The following CSRNP3 variants were observed in gnomAD, a reference collection of about 807,000 sequenced individuals.
CSRNP3 encodes cysteine/serine-rich nuclear protein 3.
CSRNP3 carries 12 observed loss-of-function variants against 48.0 expected under a neutral mutation model. The ratio of observed to expected loss-of-function variants is 0.25; its 90% CI spans 0.16 to 0.41. The LOEUF is 0.41. CSRNP3 is among the 10% of genes least tolerant of loss of function. The probability of loss-of-function intolerance (pLI) is 1.00; values close to 1 mark genes in which losing one functional copy is unlikely to be tolerated. For synonymous variants in CSRNP3, 263 were observed against 269.7 expected (o/e 0.98, Z 0.24); for missense variants, 580 against 724.4 (o/e 0.80, Z 2.29).
intron 5 of CSRNP3, among the ~76,000 whole-genome samples, chr2:165,661,820 A>T (rs900894989): frequency 2.6e-5 from 4 of 152,168 alleles, no homozygotes; most frequent in Admixed American, 2.6e-4. Context: ...GCATCTGACA[A>T]GAGAGACAGT....
At chr2:165,638,084 C>A (rs953865348) in intron 4 of CSRNP3, among the ~76,000 whole-genome samples, 1 of 152,134 alleles carries the variant, frequency 6.6e-6, no homozygotes, top group Non-Finnish European at 1.5e-5. Context: ...TTTTACTCAA[C>A]CATTTCTATG....
In CSRNP3 at chr2:165,541,222, AT is replaced by A. The variant is rs35223566; in HGVS notation, c.-24+23273del. On this transcript the variant is annotated intron_variant, in intron 3 of 6. Coordinates refer to ENST00000651982, the MANE Select transcript of CSRNP3 (RefSeq NM_001172173.2). ...TAATCATATCCTCTACACCAAATGCATTTTTTTTTTTTAGACAGTGAGGAAG... is the reference window on the plus strand; with the variant it reads ...TAATCATATCCTCTACACCAAATGCATTTTTTTTTTTAGACAGTGAGGAAG... Among the ~76,000 whole-genome samples the A allele has an allele frequency of 4.2e-3, 611 of 144,932 alleles. 2 individuals are homozygous for A. The highest frequency in any genetic ancestry group is 6.5e-3 in the African/African-American group (259 of 39,606).
intron 3 of CSRNP3, among the ~76,000 whole-genome samples, chr2:165,536,190 A>T (rs893252756): frequency 6.6e-6 from 1 of 151,918 alleles, no homozygotes; most frequent in Admixed American, 6.6e-5. Flanking sequence ...AGCTTTTTTC[A>T]GTTTAAATAT....
At chr2:165,499,259 A>T (rs1187489189) in intron 2 of CSRNP3, among the ~76,000 whole-genome samples, 2 of 152,172 alleles carry the variant, frequency 1.3e-5, no homozygotes, top group Non-Finnish European at 2.9e-5. Flanking sequence ...GTGATGATGA[A>T]ATCTGCGCCT....
At chr2:165,480,350 C>T (rs1684023656) in intron 1 of CSRNP3, among the ~76,000 whole-genome samples, 1 of 152,128 alleles carries the variant, frequency 6.6e-6, no homozygotes, top group African/African-American at 2.4e-5. Context: ...AGACATAACA[C>T]AATCGCAGGA....
intron 6 of CSRNP3, among the ~76,000 whole-genome samples, chr2:165,677,828 A>G (rs1038440636): frequency 6.6e-5 from 10 of 152,208 alleles, no homozygotes; most frequent in Admixed American, 2.0e-4. Context: ...TGGATTGTCC[A>G]GAACCCCACC....
In CSRNP3 at chr2:165,657,826, G is replaced by A; in HGVS notation, c.214G>A (p.Val72Met). 2 of 1,614,012 alleles carry A rather than the reference G, an allele frequency of 1.2e-6. No individual in the cohort carries two copies. The highest frequency in any genetic ancestry group is 1.7e-6 in the Non-Finnish European group (2 of 1,179,986). The change falls in exon 5 of 7, where the codon GTG (valine) becomes ATG (methionine). Residue 72 changes from valine (V) to methionine (M), a missense_variant. By Grantham distance (21) the Val-to-Met change is conservative (BLOSUM62 1). Around this residue, in one of 4 missense-constraint regions of CSRNP3, gnomAD observed 83 missense variants for 139.6 expected, o/e 0.59. Coordinates refer to ENST00000651982, the MANE Select transcript of CSRNP3 (RefSeq NM_001172173.2). ...GAATGTACATTTTAGTTGTGTCACC[G>A]TGTACTACTTCACCAGGAGGCAAGG... is the stretch of plus-strand genomic sequence containing the variant. ...TKNVHFSCVT[V>M]YYFTRRQGFT...
intron 3 of CSRNP3, among the ~76,000 whole-genome samples, chr2:165,522,214 C>T (rs1684672861): frequency 6.6e-6 from 1 of 152,066 alleles, no homozygotes; most frequent in South Asian, 2.1e-4. Context: ...ATCACTTGAA[C>T]CTGGAAGGTG....
At chr2:165,650,524 A>C (rs1189433541) in intron 4 of CSRNP3, among the ~76,000 whole-genome samples, 1 of 152,236 alleles carries the variant, frequency 6.6e-6, no homozygotes, top group Non-Finnish European at 1.5e-5. Flanking sequence ...TTGATTTACT[A>C]TTCAATCTGT....
intron 3 of CSRNP3, among the ~76,000 whole-genome samples, chr2:165,593,090 C>T (rs372267334): frequency 3.3e-5 from 5 of 152,186 alleles, no homozygotes; most frequent in East Asian, 3.9e-4. Context: ...CGTGAGCCAC[C>T]GCGCCCGGCC....
intron 3 of CSRNP3, among the ~76,000 whole-genome samples, chr2:165,593,020 C>T (rs1038241397): frequency 2.0e-5 from 3 of 151,814 alleles, no homozygotes; most frequent in African/African-American, 7.3e-5. Context: ...CCGGGATGGT[C>T]TCGATCTCCT....
Position 165,487,599 on chromosome 2 carries a change from G to A in CSRNP3, c.-282-7160G>A, listed in dbSNP as rs1354660210. 6.9e-5 allele frequency among the ~76,000 whole-genome samples: 10 copies of A among 145,896 alleles called. No individual in the cohort carries two copies. In the South Asian group the frequency reaches 9.0e-4, roughly 13 times the overall value. On this transcript the variant is annotated intron_variant, in intron 1 of 6. Coordinates refer to ENST00000651982, the MANE Select transcript of CSRNP3 (RefSeq NM_001172173.2). ...CCATCAGACTAACAGCGGATCTCTC[G>A]GCAGAAACCCTACAAGCCAGAAGAG...
chr2:165,498,615 C>G (rs1046349028), intron 2 of CSRNP3, among the ~76,000 whole-genome samples: 4 of 152,068 alleles, frequency 2.6e-5, no homozygotes, highest in African/African-American at 9.7e-5. Context: ...GCTTTAAACT[C>G]AAAAGCACAA....
chr2:165,678,235 G>T lies in CSRNP3; in HGVS notation c.706-466G>T, dbSNP rs180946238. Among the ~76,000 whole-genome samples the T allele has an allele frequency of 1.3e-3, 204 of 152,264 alleles. 2 individuals are homozygous for T. The highest frequency in any genetic ancestry group is 4.8e-3 in the African/African-American group (199 of 41,566). ...AAGCAAAAGGAAAAGTTAACATGGG[G>T]TACATCATATATGTTAGATTAATAG... On this transcript the variant is annotated intron_variant, in intron 6 of 6. Coordinates refer to ENST00000651982, the MANE Select transcript of CSRNP3 (RefSeq NM_001172173.2).
intron 4 of CSRNP3, among the ~76,000 whole-genome samples, chr2:165,602,963 C>T (rs551379537): frequency 5.9e-5 from 9 of 152,088 alleles, no homozygotes; most frequent in South Asian, 2.1e-4. Flanking sequence ...GGCGCAATCT[C>T]GGCTCACTGC....
intron 4 of CSRNP3, among the ~76,000 whole-genome samples, chr2:165,605,530 G>T (rs1003968280): frequency 1.1e-4 from 17 of 152,170 alleles, no homozygotes; most frequent in African/African-American, 3.9e-4. Context: ...AGCGATAGAT[G>T]AAATGAGACT....
intron 4 of CSRNP3, among the ~76,000 whole-genome samples, chr2:165,631,543 C>A (rs1686536677): frequency 6.6e-6 from 1 of 152,178 alleles, no homozygotes; most frequent in Non-Finnish European, 1.5e-5. Flanking sequence ...GCTCTCCTGC[C>A]TTTAATGTAC....
chr2:165,647,688 C>G (rs766566404), intron 4 of CSRNP3, among the ~76,000 whole-genome samples: 11 of 152,288 alleles, frequency 7.2e-5, no homozygotes, highest in Non-Finnish European at 1.2e-4. Context: ...TCAGTAGAAA[C>G]CGTACTTTGA....
At chr2:165,617,006 T>C (rs62176876) in intron 4 of CSRNP3, among the ~76,000 whole-genome samples, 22,707 of 151,940 alleles carry the variant, frequency 0.15, 1,932 homozygotes, top group East Asian at 0.35. Flanking sequence ...CAAGGATCAG[T>C]TTGTTTCCTT....
Sources: gnomAD v4.1 joint callset for allele counts (sites outside exome capture counted in the v4.1 genomes callset) on GRCh38, gnomAD v4.1.1 for gene constraint, gnomAD v4.1.1 regional missense constraint, MANE v1.5 for transcripts, NCBI Gene and HGNC (gene_info 2026-07-23, HGNC 2026-07-21) for gene names.